The following HECW2 variants were observed in gnomAD, a reference collection of about 807,000 sequenced individuals.
The protein encoded by HECW2 is HECT, C2 and WW domain containing E3 ubiquitin protein ligase 2, also known as E3 ubiquitin-protein ligase HECW2.
Under a neutral mutation model 175.2 loss-of-function variants are expected in HECW2, and 61 were observed. The ratio of observed to expected loss-of-function variants is 0.35; its 90% CI spans 0.28 to 0.43. HECW2 has a LOEUF of 0.43. HECW2 is among the 20% of genes least tolerant of loss of function. The probability of loss-of-function intolerance (pLI) is 1.00; values close to 1 mark genes in which losing one functional copy is unlikely to be tolerated. For missense variants in HECW2, 1,524 were observed against 2,000.5 expected, an observed-to-expected ratio of 0.76 and a Z score of 4.54; for synonymous variants, 671 against 731.0, an observed-to-expected ratio of 0.92 and a Z score of 1.32.
chr2:196,251,415 C>T (rs192302797), intron 19 of HECW2, among the ~76,000 whole-genome samples: 2 of 152,254 alleles, frequency 1.3e-5, no homozygotes, highest in South Asian at 2.1e-4. Context: ...TTCCAGTTGC[C>T]ACCAGTACAC....
At chr2:196,392,047 C>T (rs973364750) in intron 2 of HECW2, among the ~76,000 whole-genome samples, 3 of 152,162 alleles carry the variant, frequency 2.0e-5, no homozygotes, top group Admixed American at 1.3e-4. Flanking sequence ...GACCCTACTT[C>T]CAAGCAAGGT....
chr2:196,495,374 T>G (rs1357080388), intron 1 of HECW2, among the ~76,000 whole-genome samples: 1 of 152,100 alleles, frequency 6.6e-6, no homozygotes, highest in Non-Finnish European at 1.5e-5. Flanking sequence ...TCATCACTCT[T>G]TATACTAGAA....
In HECW2 at chr2:196,278,128, T is replaced by TAAA. The variant is rs1177192407; in HGVS notation, c.3135+397_3135+399dup. On this transcript the variant is annotated intron_variant, in intron 15 of 28. Transcript: ENST00000644978. ...TGTACCCTAGAACTTAAAGTATAATTAAAAAATATATATATATATATATAA... is the reference window on the plus strand; with the variant it reads ...TGTACCCTAGAACTTAAAGTATAATTAAAAAAAAATATATATATATATATATAA... 5.0e-4 allele frequency among the ~76,000 whole-genome samples: 15 copies of TAAA among 30,216 alleles called. 2 individuals carry two copies. Among genetic ancestry groups the TAAA allele is most frequent in the African/African-American group, 9.4e-4 (15 of 15,930 alleles). 19.8% of individuals were successfully genotyped at this position (30,216 alleles called of 152,430 possible).
chr2:196,412,774 C>A (rs1220688173), intron 2 of HECW2, among the ~76,000 whole-genome samples: 1 of 152,048 alleles, frequency 6.6e-6, no homozygotes, highest in Admixed American at 6.6e-5. Flanking sequence ...AGTATCCCTG[C>A]CAAAAATAGA....
chr2:196,554,052 T>G (rs1689698453), intron 1 of HECW2, among the ~76,000 whole-genome samples: 1 of 152,136 alleles, frequency 6.6e-6, no homozygotes, highest in Non-Finnish European at 1.5e-5. Flanking sequence ...TTAAAAAGAT[T>G]TTTGGGCCGG....
intron 1 of HECW2, among the ~76,000 whole-genome samples, chr2:196,456,594 A>G (rs1055261749): frequency 1.3e-5 from 2 of 152,208 alleles, no homozygotes; most frequent in Non-Finnish European, 2.9e-5. Flanking sequence ...CTTGGAGACC[A>G]CTGCAATCAG....
rs1183641855 is a variant in HECW2 at position 196,262,385 on chromosome 2, T to C, written c.3336-4479A>G. Among the ~76,000 whole-genome samples the C allele has an allele frequency of 5.9e-5, 9 of 152,182 alleles. No individual in the cohort carries two copies. In the East Asian group the frequency reaches 1.2e-3, roughly 19 times the overall value. On this transcript the variant is annotated intron_variant, in intron 17 of 28. Transcript: ENST00000644978. Reference sequence around the variant, plus strand: ...AACCTCAGTGGTAATATAATGAAGATTAAGGTTATACTAATACAAAGTATT... The same window carrying C: ...AACCTCAGTGGTAATATAATGAAGACTAAGGTTATACTAATACAAAGTATT...
intron 14 of HECW2, among the ~76,000 whole-genome samples, chr2:196,283,893 T>TTAAA (rs1690284775): frequency 6.6e-6 from 1 of 152,164 alleles, no homozygotes; most frequent in African/African-American, 2.4e-5. Flanking sequence ...CAGAATACAA[T>TTAAA]TCCCAATTTA....
chr2:196,278,133 A>ATATATATATATATATATATCTATAT (rs1553489735), intron 15 of HECW2, among the ~76,000 whole-genome samples: 1 of 66,552 alleles, frequency 1.5e-5, no homozygotes, highest in African/African-American at 4.1e-5. Context: ...ATAATTAAAA[A>ATATATATATATATATATATCTATAT]ATATATATAT....
chr2:196,487,315 AAAAC>A (rs1487006723), intron 1 of HECW2, among the ~76,000 whole-genome samples: 5 of 152,142 alleles, frequency 3.3e-5, no homozygotes, highest in African/African-American at 1.2e-4. Context: ...CCCTGTCTCA[AAAAC>A]AAACAAGCAA....
intron 1 of HECW2, among the ~76,000 whole-genome samples, chr2:196,516,437 T>C (rs962197075): frequency 2.6e-5 from 4 of 152,244 alleles, no homozygotes; most frequent in Non-Finnish European, 4.4e-5. Flanking sequence ...GTACTGTTTT[T>C]GTAATTATAA....
chr2:196,443,670 G>T (rs1253873362), intron 1 of HECW2, among the ~76,000 whole-genome samples: 1 of 152,184 alleles, frequency 6.6e-6, no homozygotes, highest in African/African-American at 2.4e-5. Context: ...TGTCAAAAAA[G>T]AAGAAACGAA....
At chr2:196,518,239 C>CA (rs1688218969) in intron 1 of HECW2, among the ~76,000 whole-genome samples, 1 of 152,060 alleles carries the variant, frequency 6.6e-6, no homozygotes. Context: ...AAAAACAATG[C>CA]AAAATCACAC....
chr2:196,468,935 GT>G (rs1553520680), intron 1 of HECW2, among the ~76,000 whole-genome samples: 2 of 152,128 alleles, frequency 1.3e-5, no homozygotes, highest in Non-Finnish European at 2.9e-5. Context: ...GTTGCAAAAT[GT>G]TTTTTAGCAG....
chr2:196,272,989 CA>C (rs569219773), intron 16 of HECW2, among the ~76,000 whole-genome samples: 10 of 147,634 alleles, frequency 6.8e-5, no homozygotes, highest in South Asian at 6.4e-4. Flanking sequence ...AATTTCATGA[CA>C]TTTTTTTTTT....
intron 2 of HECW2, among the ~76,000 whole-genome samples, chr2:196,416,086 AT>A (rs1408613064): frequency 2.6e-5 from 4 of 152,234 alleles, no homozygotes. Flanking sequence ...TATTAAAGAA[AT>A]TATGCTGAAA....
At chr2:196,561,661 C>T (rs770032095) in intron 1 of HECW2, among the ~76,000 whole-genome samples, 43 of 152,070 alleles carry the variant, frequency 2.8e-4, no homozygotes, top group Non-Finnish European at 5.1e-4. Flanking sequence ...TCAGACCGGC[C>T]GGCACTTAGG....
At position 196,503,773 on chromosome 2, in the gene HECW2, G is replaced by A. The variant is rs182196509; in HGVS notation, c.-35-70315C>T. On this transcript the variant is annotated intron_variant, in intron 1 of 28. Coordinates refer to ENST00000644978, the MANE Select transcript of HECW2 (RefSeq NM_001348768.2). ...AAGGCCAGTTCTGCCCATCTCAGAC[G>A]GATAGAAACACAAACACAAAAGTTT... 5.3e-5 allele frequency among the ~76,000 whole-genome samples: 8 copies of A among 152,284 alleles called. No individual in the cohort carries two copies. In the East Asian group the frequency reaches 9.6e-4, roughly 18 times the overall value.
At chr2:196,577,096 C>A (rs1406002255) in intron 1 of HECW2, among the ~76,000 whole-genome samples, 1 of 152,108 alleles carries the variant, frequency 6.6e-6, no homozygotes, top group African/African-American at 2.4e-5. Flanking sequence ...TAATGATAGG[C>A]TAGAACTTAT....
Sources: allele counts gnomAD v4.1 joint callset (sites outside exome capture counted in the v4.1 genomes callset), GRCh38; gene constraint gnomAD v4.1.1; transcripts MANE v1.5; gene names NCBI Gene and HGNC (gene_info 2026-07-23, HGNC 2026-07-21).